The following FBXW8 variants were observed in gnomAD, a reference collection of about 807,000 sequenced individuals.
The protein encoded by FBXW8 is F-box/WD repeat-containing protein 8.
In FBXW8, 57 loss-of-function variants were observed where a neutral mutation model predicts 65.3. The observed-to-expected ratio is 0.87, with a 90% CI of 0.71 to 1.09. FBXW8 has a LOEUF of 1.09. Among genes scored for constraint, FBXW8 ranks in the 50% least tolerant of loss-of-function variants. The probability of loss-of-function intolerance (pLI) is 0.00; values close to 1 mark genes in which losing one functional copy is unlikely to be tolerated. For synonymous variants in FBXW8, 308 were observed against 330.2 expected (o/e 0.93, Z 0.73); for missense variants, 777 against 814.8 (o/e 0.95, Z 0.57).
intron 2 of FBXW8, 127 bp from the exon 3 acceptor site, chr12:116,945,237 T>A (rs1375071924): frequency 1.2e-6 from 1 of 844,348 alleles, no homozygotes; most frequent in Non-Finnish European, 1.8e-6. Context: ...CTCATAGTGT[T>A]TTGTTAATGA....
chr12:117,027,284 T>G (rs1954254409), intron 9 of FBXW8, 110 bp from the exon 10 acceptor site: 2 of 804,716 alleles, frequency 2.5e-6, no homozygotes, highest in African/African-American at 3.4e-5. Context: ...AAAGAGAAGC[T>G]TAGCTTTATG....
intron 2 of FBXW8, among the ~76,000 whole-genome samples, chr12:116,935,078 A>G (rs989265239): frequency 3.9e-5 from 6 of 152,216 alleles, no homozygotes; most frequent in African/African-American, 1.4e-4. Flanking sequence ...ATGTAATTTT[A>G]GGAATTTAGC....
In FBXW8 at chr12:116,961,608, G is replaced by A. The variant is rs933378946; in HGVS notation, c.678-3089G>A. Among the ~76,000 whole-genome samples the A allele has an allele frequency of 3.9e-5, 6 of 152,146 alleles. No homozygotes were observed. Among genetic ancestry groups the A allele is most frequent in the African/African-American group, 7.2e-5 (3 of 41,426 alleles). On this transcript the variant is annotated intron_variant, in intron 4 of 10. Coordinates refer to ENST00000652555, the MANE Select transcript of FBXW8 (RefSeq NM_153348.3). This position sits in a 1 kb window ranked among gnomAD's most constrained non-coding sequence, Gnocchi z 4.4. ...AGGGTTCTCTGGGTATATGGCAAGC[G>A]CTGTTCTAGTCTGTCTGTTCCAGTC...
chr12:116,980,338 T>A (rs534685505), intron 5 of FBXW8: 1 of 152,394 alleles, frequency 6.6e-6, no homozygotes, highest in South Asian at 2.1e-4. Flanking sequence ...TGAAGTAGCC[T>A]CATTCCTTTC....
intron 7 of FBXW8, among the ~76,000 whole-genome samples, chr12:116,996,403 C>T (rs559329829): frequency 6.6e-6 from 1 of 152,128 alleles, no homozygotes; most frequent in African/African-American, 2.4e-5. Context: ...TCTGGGAGAG[C>T]CTTAGGAATC....
chr12:116,956,097 AT>A (rs1168567198), intron 4 of FBXW8, among the ~76,000 whole-genome samples: 1 of 151,682 alleles, frequency 6.6e-6, no homozygotes, highest in Non-Finnish European at 1.5e-5. Flanking sequence ...ATGAGAGGAC[AT>A]TTTCTCTCTT....
At chr12:116,988,891 T>C (rs1280413601) in intron 7 of FBXW8, 22 bp downstream of exon 7, 12 of 1,590,454 alleles carry the variant, frequency 7.5e-6, no homozygotes, top group Non-Finnish European at 1.0e-5. Context: ...GCAAGATATA[T>C]AATTAACAAA....
intron 5 of FBXW8, among the ~76,000 whole-genome samples, chr12:116,968,648 G>A (rs947240889): frequency 2.0e-5 from 3 of 152,186 alleles, no homozygotes; most frequent in African/African-American, 7.2e-5. Context: ...AATGCAAGTG[G>A]GGTTTTACTA....
chr12:116,985,523 C>T lies in FBXW8; in HGVS notation c.1032+121C>T, dbSNP rs916775386. ...CAGAGCTTCCTGCGGGCCTTACCTC[C>T]ATAAGTCTAACTACAGCCTTACAAA... is the stretch of plus-strand genomic sequence containing the variant. On this transcript the variant is annotated intron_variant, in intron 6 of 10. Coordinates refer to ENST00000652555, the MANE Select transcript of FBXW8 (RefSeq NM_153348.3). 34 of 936,722 alleles carry T rather than the reference C, an allele frequency of 3.6e-5. No homozygotes were observed. The Admixed American group carries it at 8.4e-4, about 23-fold the overall frequency. 58.0% of individuals were successfully genotyped at this position (936,722 alleles called of 1,614,324 possible). A position where few individuals can be genotyped will look rare whatever the true frequency, so the allele number is the denominator to read the frequency against.
intron 9 of FBXW8, 43 bp downstream of exon 9, chr12:117,024,363 C>T (rs114946895): frequency 6.2e-7 from 1 of 1,607,778 alleles, no homozygotes; most frequent in Non-Finnish European, 8.5e-7. Context: ...CTAGTAGGAA[C>T]AGGGAAGGCA....
At chr12:116,994,598 C>G (rs773283188) in intron 7 of FBXW8, among the ~76,000 whole-genome samples, 1 of 152,178 alleles carries the variant, frequency 6.6e-6, no homozygotes, top group Non-Finnish European at 1.5e-5. Flanking sequence ...TGGTCTCAAC[C>G]CCACTTTAAA....
At chr12:116,948,526 T>C (rs907056088) in intron 3 of FBXW8, among the ~76,000 whole-genome samples, 2 of 152,188 alleles carry the variant, frequency 1.3e-5, no homozygotes, top group Non-Finnish European at 2.9e-5. Flanking sequence ...TTCCTAATAA[T>C]AGAAATAATA....
chr12:116,962,007 C>G (rs1884012723), intron 4 of FBXW8, among the ~76,000 whole-genome samples: 1 of 152,086 alleles, frequency 6.6e-6, no homozygotes, highest in South Asian at 2.1e-4. Context: ...GGCACCTGAG[C>G]ATCTATAGTG....
chr12:116,913,051 C>T (rs1880119631), intron 1 of FBXW8, among the ~76,000 whole-genome samples: 1 of 152,154 alleles, frequency 6.6e-6, no homozygotes. Context: ...CAAGTTTCAC[C>T]ACGTGAACTT....
chr12:116,921,179 A>G (rs1400716092), intron 1 of FBXW8, among the ~76,000 whole-genome samples: 5 of 152,250 alleles, frequency 3.3e-5, no homozygotes, highest in Non-Finnish European at 4.4e-5. Context: ...TCGTAAAAAA[A>G]GGATAAATCA....
At chr12:116,925,275 T>G (rs1037919067) in intron 1 of FBXW8, among the ~76,000 whole-genome samples, 2 of 151,982 alleles carry the variant, frequency 1.3e-5, no homozygotes, top group Non-Finnish European at 2.9e-5. Flanking sequence ...TGAGTCAGCT[T>G]GTTTGGCCAA....
chr12:117,008,308 C>G (rs1469171025), intron 7 of FBXW8, among the ~76,000 whole-genome samples: 4 of 152,104 alleles, frequency 2.6e-5, no homozygotes, highest in African/African-American at 4.8e-5. Context: ...TGAGGTTGCT[C>G]TTTTTATTTT....
chr12:116,998,108 C>A (rs1356546727), intron 7 of FBXW8, among the ~76,000 whole-genome samples: 1 of 152,166 alleles, frequency 6.6e-6, no homozygotes, highest in Admixed American at 6.5e-5. Flanking sequence ...TGTGAGCCAC[C>A]GCGCCTGGCC....
chr12:116,937,335 G>A (rs1476880202), intron 2 of FBXW8, among the ~76,000 whole-genome samples: 50 of 152,276 alleles, frequency 3.3e-4, no homozygotes, highest in Non-Finnish European at 5.9e-5. Flanking sequence ...GGAGACAAAT[G>A]AGAACATTAA....
Sources: allele counts gnomAD v4.1 joint callset (sites outside exome capture counted in the v4.1 genomes callset), GRCh38; gene constraint gnomAD v4.1.1; non-coding constraint Gnocchi (gnomAD v3.1); transcripts MANE v1.5; gene names NCBI Gene and HGNC (gene_info 2026-07-23, HGNC 2026-07-21).